CLPX: variants seen among roughly 807,000 people sequenced by gnomAD.
CLPX encodes caseinolytic mitochondrial matrix peptidase chaperone subunit X.
A neutral mutation model predicts 76.4 loss-of-function variants in CLPX; 34 were observed. That is an observed-to-expected ratio of 0.45 (90% CI 0.34 to 0.59). CLPX has a LOEUF of 0.59. Among genes scored for constraint, CLPX ranks in the 20% least tolerant of loss-of-function variants. The pLI is 0.01. For synonymous variants in CLPX, 248 were observed against 270.9 expected (o/e 0.92, Z 0.83); for missense variants, 613 against 757.0 (o/e 0.81, Z 2.23).
In CLPX at chr15:65,158,594, C is replaced by G; in HGVS notation, c.873G>C (p.Leu291=). The change falls in exon 7 of 14, where the codon CTG becomes CTC. Residue 291 remains leucine, a synonymous_variant. Transcript: ENST00000300107. The stretch of plus-strand genomic sequence containing the variant: ...ATTTACCTGACCCAGTTGGTCCAAG[C>G]AGCAAAATATTACTTTTTTCAAGTT... ...DIKLEKSNIL[L]LGPTGSGKTL... 6.2e-7 allele frequency: 1 copy of G among 1,611,298 alleles called. No individual in the cohort carries two copies. Among genetic ancestry groups the G allele is most frequent in the Non-Finnish European group, 8.5e-7 (1 of 1,179,108 alleles).
rs2087768563 is a variant in CLPX at position 65,154,985 on chromosome 15, G to C, written c.1408C>G (p.Gln470Glu). 1 of 1,614,034 alleles carries C rather than the reference G, an allele frequency of 6.2e-7. No individual in the cohort carries two copies. The highest frequency in any genetic ancestry group is 8.5e-7 in the Non-Finnish European group (1 of 1,179,996). Residue 470 changes from glutamine to glutamate, a missense_variant, in exon 11 of 14, where the codon CAA (glutamine) becomes GAA (glutamate). Physicochemically the swap from Gln to Glu is conservative, Grantham distance 29. Transcript: ENST00000300107. Reference sequence around the variant, plus strand: ...AACCGATCTTTTTCTTCAATGTCTTGGTGAGTATTCGATTCCCCACTTCGA... The same window carrying C: ...AACCGATCTTTTTCTTCAATGTCTTCGTGAGTATTCGATTCCCCACTTCGA... ...ANRSGESNTH[Q>E]DIEEKDRLLR...
rs1005039072 is a variant in CLPX, at chr15:65,169,885, G to A, written c.359-3100C>T. On this transcript the variant is annotated intron_variant, in intron 3 of 13. Coordinates refer to ENST00000300107, the MANE Select transcript of CLPX (RefSeq NM_006660.5). ...AAGCAATTCTCTTGCCTCAGCCTCCGAAGTAGCTGGGATTACAGGCATGTG... is the reference window on the plus strand; with the variant it reads ...AAGCAATTCTCTTGCCTCAGCCTCCAAAGTAGCTGGGATTACAGGCATGTG... Among the ~76,000 whole-genome samples, 14 of 151,294 alleles carry A rather than the reference G, an allele frequency of 9.3e-5. 1 individual carries two copies. The highest frequency in any genetic ancestry group is 2.9e-5 in the Non-Finnish European group (2 of 67,848).
chr15:65,170,491 G>A (rs1213331434), intron 3 of CLPX, among the ~76,000 whole-genome samples: 6 of 152,098 alleles, frequency 3.9e-5, no homozygotes, highest in African/African-American at 9.7e-5. Context: ...TAGGCTGAGC[G>A]GGGTGGCTCA....
intron 11 of CLPX, chr15:65,154,547 T>G (rs2087763487): frequency 2.2e-6 from 1 of 449,484 alleles, no homozygotes; most frequent in African/African-American, 2.0e-5. Context: ...GCTAATGGCA[T>G]TATTTTTCTT....
chr15:65,162,481 G>C, intron 6 of CLPX, 123 bp downstream of exon 6: 2 of 603,936 alleles, frequency 3.3e-6, no homozygotes, highest in Non-Finnish European at 5.9e-6. Context: ...TAGATAATAC[G>C]TATCTTTCTT....
intron 3 of CLPX, 73 bp from the exon 4 acceptor site, chr15:65,166,858 A>G: frequency 7.0e-7 from 1 of 1,420,314 alleles, no homozygotes; most frequent in Non-Finnish European, 9.5e-7. Context: ...TAAAGACTCC[A>G]CTGTAAATGA....
intron 5 of CLPX, among the ~76,000 whole-genome samples, chr15:65,163,672 G>C (rs889539422): frequency 1.3e-5 from 2 of 152,134 alleles, no homozygotes; most frequent in East Asian, 3.9e-4. Context: ...ATTTTTAGTA[G>C]AGACGGAGTT....
rs1415811686 is a variant in CLPX, at chr15:65,156,894, C to A, written c.1096G>T (p.Val366Leu). ...FLDEVDKIGS[V>L]PGIHQLRDVG... ...TCCCGTAATTGATGAATGCCTGGCA[C>A]ACTGCCAATCTTATCTACTTCATCC... The change falls in exon 9 of 14, where the codon GTG (valine) becomes TTG (leucine). Residue 366 changes from valine to leucine, a missense_variant. This residue lies in a region of CLPX where 450 missense variants were observed against 638.6 expected (regional missense o/e 0.70). Coordinates refer to ENST00000300107, the MANE Select transcript of CLPX (RefSeq NM_006660.5). 3 of 1,613,124 alleles carry A rather than the reference C, an allele frequency of 1.9e-6. No homozygotes were observed. In the African/African-American group the frequency reaches 4.0e-5, roughly 22 times the overall value.
intron 4 of CLPX, among the ~76,000 whole-genome samples, chr15:65,165,599 A>T (rs1348523759): frequency 6.6e-6 from 1 of 151,376 alleles, no homozygotes; most frequent in Non-Finnish European, 1.5e-5. Flanking sequence ...GTTAGCCAGG[A>T]TGGTCTCGAT....
intron 6 of CLPX, among the ~76,000 whole-genome samples, chr15:65,161,184 C>T (rs1365843495): frequency 6.6e-6 from 1 of 152,092 alleles, no homozygotes; most frequent in Non-Finnish European, 1.5e-5. Flanking sequence ...CAACACAGCC[C>T]TTAAACGCAA....
chr15:65,155,131 G>A (rs747643005), intron 10 of CLPX, 50 bp from the exon 11 acceptor site: 10 of 1,456,348 alleles, frequency 6.9e-6, no homozygotes, highest in South Asian at 1.2e-5. Flanking sequence ...AAATGATAGT[G>A]TATTAAGTAC....
intron 12 of CLPX, 149 bp from the exon 13 acceptor site, chr15:65,152,685 T>G (rs376750741): frequency 1.5e-5 from 3 of 199,012 alleles, no homozygotes; most frequent in East Asian, 1.1e-4. Context: ...ATATATGGGA[T>G]TATATATATA....
Position 65,161,307 on chromosome 15 carries a change from T to C in CLPX, c.715+1297A>G, listed in dbSNP as rs185018139. ...AAAGCTGTATGTTGGTCTCTAAAAT[T>C]TGACTTCCAAAGGGACTTATAAGAA... On this transcript the variant is annotated intron_variant, in intron 6 of 13. Coordinates refer to ENST00000300107, the MANE Select transcript of CLPX (RefSeq NM_006660.5). Among the ~76,000 whole-genome samples the C allele has an allele frequency of 1.2e-3, 184 of 152,278 alleles. 2 individuals are homozygous for C. The highest frequency in any genetic ancestry group is 3.4e-3 in the Admixed American group (52 of 15,282).
At position 65,152,487 on chromosome 15, in the gene CLPX, A is replaced by G; in HGVS notation, c.1754T>C (p.Val585Ala). 6.4e-7 allele frequency: 1 copy of G among 1,561,668 alleles called. No homozygotes were observed. Among genetic ancestry groups the G allele is most frequent in the South Asian group, 1.2e-5 (1 of 81,798 alleles). ...TACTTCTTTGTCAACCTCCACACATACGATATCAGAATTAGGGACTTCAAA... is the reference window on the plus strand; with the variant it reads ...TACTTCTTTGTCAACCTCCACACATGCGATATCAGAATTAGGGACTTCAAA... ...PMFEVPNSDI[V>A]CVEVDKEVVE... Residue 585 changes from valine (V) to alanine (A), a missense_variant, in exon 13 of 14, where the codon GTA becomes GCA. By Grantham distance (64) the Val-to-Ala change is moderately conservative (BLOSUM62 0). This residue lies in a region of CLPX where 450 missense variants were observed against 638.6 expected (regional missense o/e 0.70). Transcript: ENST00000300107.
chr15:65,156,837 T>C lies in CLPX; in HGVS notation c.1146+7A>G. Reference sequence around the variant, plus strand: ...AGTGGGCTTGAACAAAATACTCAACTGCTTACTTGCTGAACGCCTTCTCCA... The same window carrying C: ...AGTGGGCTTGAACAAAATACTCAACCGCTTACTTGCTGAACGCCTTCTCCA... On this transcript the variant is annotated splice_region_variant and intron_variant, in intron 9 of 13. Coordinates refer to ENST00000300107, the MANE Select transcript of CLPX (RefSeq NM_006660.5). 3 of 1,601,702 alleles carry C rather than the reference T, an allele frequency of 1.9e-6. No homozygotes were observed. The highest frequency in any genetic ancestry group is 2.6e-6 in the Non-Finnish European group (3 of 1,169,106).
chr15:65,149,856 CAATT>C lies in CLPX; in HGVS notation c.*963_*966del, dbSNP rs1156342097. ...GCTTGGGACAGCGTGAGACTCCGCT[CAATT>C]AAAAAAAAAAAAAAAAAAAAGATGG... On this transcript the variant is annotated 3_prime_UTR_variant, in exon 14 of 14. Coordinates refer to ENST00000300107, the MANE Select transcript of CLPX (RefSeq NM_006660.5). The C allele has an allele frequency of 7.9e-5, 4 of 50,862 alleles. No homozygotes were observed. In the Admixed American group the frequency reaches 1.4e-3, roughly 18 times the overall value. 3.2% of individuals were successfully genotyped at this position (50,862 alleles called of 1,614,324 possible). A position where few individuals can be genotyped will look rare whatever the true frequency, so the allele number is the denominator to read the frequency against.
chr15:65,177,844 GC>G (rs2088109712), intron 3 of CLPX, among the ~76,000 whole-genome samples: 1 of 151,626 alleles, frequency 6.6e-6, no homozygotes, highest in South Asian at 2.1e-4. Context: ...TTGCTTTGTC[GC>G]CGAGGCTGGA....
At chr15:65,174,790 A>G (rs769324138) in intron 3 of CLPX, among the ~76,000 whole-genome samples, 7 of 152,128 alleles carry the variant, frequency 4.6e-5, no homozygotes, top group Non-Finnish European at 1.0e-4. Context: ...TTAGCTCCTC[A>G]TATATGCTGG....
chr15:65,155,158 A>G, intron 10 of CLPX, 77 bp from the exon 11 acceptor site: 1 of 1,222,248 alleles, frequency 8.2e-7, no homozygotes, highest in South Asian at 1.5e-5. Flanking sequence ...TACATATTTC[A>G]TATGATCTTT....
Sources: allele counts gnomAD v4.1 joint callset (sites outside exome capture counted in the v4.1 genomes callset), GRCh38; gene constraint gnomAD v4.1.1; regional missense constraint gnomAD v4.1.1; transcripts MANE v1.5; gene names NCBI Gene and HGNC (gene_info 2026-07-23, HGNC 2026-07-21).